METTL25: variants seen among roughly 807,000 people sequenced by gnomAD.
METTL25 encodes the protein probable methyltransferase-like protein 25.
Under a neutral mutation model 71.6 loss-of-function variants are expected in METTL25, and 64 were observed. That is an observed-to-expected ratio of 0.89 (90% CI 0.73 to 1.10). The LOEUF (loss-of-function observed/expected upper bound fraction) is 1.10. Ranked by LOEUF, METTL25 falls within the 50% of genes least tolerant of loss-of-function variation. The pLI is 0.00. For missense variants in METTL25, 807 were observed against 707.0 expected, an observed-to-expected ratio of 1.14 and a Z score of -1.60; for synonymous variants, 287 against 250.3, an observed-to-expected ratio of 1.15 and a Z score of -1.38.
chr12:82,407,882 C>T, intron 5 of METTL25: 1 of 984,664 alleles, frequency 1.0e-6, no homozygotes, highest in Non-Finnish European at 1.2e-6. Flanking sequence ...GTAACATACT[C>T]CCTTTTCTCT....
chr12:82,423,486 G>C (rs1255879962), intron 5 of METTL25, among the ~76,000 whole-genome samples: 2 of 152,106 alleles, frequency 1.3e-5, no homozygotes, highest in Non-Finnish European at 2.9e-5. Flanking sequence ...GCATGGGCAA[G>C]GACTTTATGA....
At chr12:82,468,470 G>T in intron 9 of METTL25, 1 of 156,618 alleles carries the variant, frequency 6.4e-6, no homozygotes, top group Non-Finnish European at 1.4e-5. Flanking sequence ...GCATCCTCAA[G>T]GGATCATCTT....
chr12:82,477,261 A>G lies in METTL25; in HGVS notation c.1648-20A>G. ...TTTTTTAAGTACCACCAACCTACCT[A>G]TCTAATTTTTTTATTTTAGTTGAAA... On this transcript the variant is annotated intron_variant, in intron 10 of 11. Transcript: ENST00000248306. The G allele has an allele frequency of 7.9e-7, 1 of 1,262,982 alleles. No homozygotes were observed. Among genetic ancestry groups the G allele is most frequent in the African/African-American group, 1.5e-5 (1 of 66,008 alleles). 78.2% of individuals were successfully genotyped at this position (1,262,982 alleles called of 1,614,324 possible). A position where few individuals can be genotyped will look rare whatever the true frequency, so the allele number is the denominator to read the frequency against.
At chr12:82,388,633 CT>C (rs1885276947) in intron 2 of METTL25, among the ~76,000 whole-genome samples, 1 of 152,018 alleles carries the variant, frequency 6.6e-6, no homozygotes, top group Non-Finnish European at 1.5e-5. Flanking sequence ...ATGTTATATC[CT>C]AGGCAAGAAC....
At chr12:82,372,848 G>T (rs1054722836) in intron 1 of METTL25, among the ~76,000 whole-genome samples, 8 of 152,156 alleles carry the variant, frequency 5.3e-5, no homozygotes, top group African/African-American at 1.9e-4. Flanking sequence ...TGGAATAGTT[G>T]CACTCGCCGA....
chr12:82,436,363 T>A (rs1889915759), intron 7 of METTL25, among the ~76,000 whole-genome samples: 1 of 151,500 alleles, frequency 6.6e-6, no homozygotes, highest in African/African-American at 2.4e-5. Flanking sequence ...TGCATTAAAA[T>A]GTTAATGTAT....
At chr12:82,362,746 A>C (rs1262414173) in intron 1 of METTL25, among the ~76,000 whole-genome samples, 1 of 152,250 alleles carries the variant, frequency 6.6e-6, no homozygotes, top group Non-Finnish European at 1.5e-5. Context: ...AAGGTGAAGG[A>C]AATTAAGGGA....
At chr12:82,478,874 CG>C in intron 11 of METTL25, 57 bp from the exon 12 acceptor site, 1 of 1,299,478 alleles carries the variant, frequency 7.7e-7, no homozygotes, top group Non-Finnish European at 1.1e-6. Context: ...ATCCAACTCG[CG>C]TCTAATTTTT....
At chr12:82,451,094 T>G (rs934086574) in intron 8 of METTL25, among the ~76,000 whole-genome samples, 1 of 152,160 alleles carries the variant, frequency 6.6e-6, no homozygotes, top group African/African-American at 2.4e-5. Context: ...CCAGAGTATT[T>G]TAGAAAAGCT....
chr12:82,453,524 C>T (rs1454605639), intron 8 of METTL25, among the ~76,000 whole-genome samples: 1 of 152,134 alleles, frequency 6.6e-6, no homozygotes, highest in African/African-American at 2.4e-5. Context: ...ATAATGGGAC[C>T]TACCACATGG....
At position 82,456,750 on chromosome 12, in the gene METTL25, A is replaced by G. The variant is rs1891518677; in HGVS notation, c.1502A>G (p.Tyr501Cys). The G allele has an allele frequency of 6.2e-7, 1 of 1,602,958 alleles. No individual in the cohort carries two copies. Among genetic ancestry groups the G allele is most frequent in the South Asian group, 1.1e-5 (1 of 89,156 alleles). Residue 501 changes from tyrosine (Y) to cysteine (C), a missense_variant, in exon 9 of 12, where the codon TAT becomes TGT. Transcript: ENST00000248306. ...TKCDRHVGKIYSKCSSFLDYV... is the reference protein window; with the variant it reads ...TKCDRHVGKICSKCSSFLDYV... ...AGTGATCGGCATGTTGGTAAAATTT[A>G]TTCCAAATGTTCTTCTTTTCTGGAT...
At position 82,358,829 on chromosome 12, in the gene METTL25, G is replaced by T; in HGVS notation, c.259+5G>T. On this transcript the variant is annotated splice_donor_5th_base_variant and intron_variant, in intron 1 of 11. Transcript: ENST00000248306. ...TGGAAGCAGAGTGGGAAGCAGGTGGGTGGTGGGGTAGGCGGGGCGGGAAGG... is the reference window on the plus strand; with the variant it reads ...TGGAAGCAGAGTGGGAAGCAGGTGGTTGGTGGGGTAGGCGGGGCGGGAAGG... The T allele has an allele frequency of 6.2e-7, 1 of 1,608,234 alleles. No homozygotes were observed. The highest frequency in any genetic ancestry group is 8.5e-7 in the Non-Finnish European group (1 of 1,176,238).
intron 5 of METTL25, among the ~76,000 whole-genome samples, chr12:82,424,880 T>A (rs1439069205): frequency 6.6e-6 from 1 of 152,026 alleles, no homozygotes; most frequent in Non-Finnish European, 1.5e-5. Context: ...AAACTGGTAA[T>A]GGAAGAAACA....
intron 5 of METTL25, among the ~76,000 whole-genome samples, chr12:82,426,647 C>G (rs2137127997): frequency 1.3e-5 from 2 of 152,080 alleles, no homozygotes; most frequent in Admixed American, 1.3e-4. Flanking sequence ...TTCATCAGCA[C>G]AAGTCAGGAA....
At chr12:82,375,523 T>G (rs1032393207) in intron 1 of METTL25, among the ~76,000 whole-genome samples, 3 of 152,216 alleles carry the variant, frequency 2.0e-5, no homozygotes, top group Non-Finnish European at 2.9e-5. Flanking sequence ...TTGAAACAGT[T>G]GTGTTTGAGG....
At chr12:82,406,863 C>T (rs943413018) in intron 5 of METTL25, among the ~76,000 whole-genome samples, 3 of 151,846 alleles carry the variant, frequency 2.0e-5, no homozygotes, top group African/African-American at 7.3e-5. Context: ...GTTAATCAGA[C>T]AAGGAAGTAA....
chr12:82,392,047 T>A (rs1161201733), intron 3 of METTL25, among the ~76,000 whole-genome samples: 2 of 141,008 alleles, frequency 1.4e-5, no homozygotes, highest in African/African-American at 5.2e-5. Flanking sequence ...AAAATGTCTA[T>A]TCAGATTTTT....
intron 11 of METTL25, among the ~76,000 whole-genome samples, chr12:82,478,287 T>C (rs903612423): frequency 1.3e-4 from 19 of 151,908 alleles, no homozygotes; most frequent in Admixed American, 6.5e-4. Flanking sequence ...CAAAGATTAA[T>C]AGGTTGTAAT....
chr12:82,451,461 A>C (rs916136076), intron 8 of METTL25, among the ~76,000 whole-genome samples: 7 of 152,100 alleles, frequency 4.6e-5, no homozygotes, highest in African/African-American at 1.7e-4. Flanking sequence ...AGCAGTACCT[A>C]CCTCAAAAGG....
Sources: allele counts gnomAD v4.1 joint callset (sites outside exome capture counted in the v4.1 genomes callset), GRCh38; gene constraint gnomAD v4.1.1; transcripts MANE v1.5; gene names NCBI Gene and HGNC (gene_info 2026-07-23, HGNC 2026-07-21).